The following NAV3 variants were observed in gnomAD, a reference collection of about 807,000 sequenced individuals.
NAV3 encodes pore membrane and/or filament interacting like protein 1.
In NAV3, 87 loss-of-function variants were observed where a neutral mutation model predicts 244.7. The observed-to-expected ratio is 0.36, with a 90% CI of 0.30 to 0.42. The LOEUF is 0.42. Among genes scored for constraint, NAV3 ranks in the 20% least tolerant of loss-of-function variants. The pLI is 1.00. For synonymous variants in NAV3, 1,126 were observed against 1,042.2 expected (o/e 1.08, Z -1.55); for missense variants, 2,663 against 2,893.3 (o/e 0.92, Z 1.83).
chr12:77,672,475 T>C (rs186793069), intron 2 of NAV3, among the ~76,000 whole-genome samples: 3 of 152,148 alleles, frequency 2.0e-5, no homozygotes, highest in Admixed American at 2.0e-4. Flanking sequence ...CAACTTGCAA[T>C]TACAAGAATG....
chr12:77,661,700 A>G (rs112808426), intron 2 of NAV3, among the ~76,000 whole-genome samples: 1 of 152,028 alleles, frequency 6.6e-6, no homozygotes, highest in Non-Finnish European at 1.5e-5. Context: ...AATATAATCT[A>G]TTTTGAAGTT....
intron 2 of NAV3, among the ~76,000 whole-genome samples, chr12:77,807,659 T>C (rs900090006): frequency 1.3e-5 from 2 of 152,182 alleles, no homozygotes; most frequent in African/African-American, 2.4e-5. Context: ...CGTGCCTTGG[T>C]GTTGCTCTTC....
intron 8 of NAV3, among the ~76,000 whole-genome samples, chr12:78,020,849 A>T (rs1018961223): frequency 9.2e-5 from 14 of 152,146 alleles, no homozygotes; most frequent in Non-Finnish European, 1.9e-4. Flanking sequence ...TACCAGAAAA[A>T]AAAAGGGTAG....
intron 9 of NAV3, among the ~76,000 whole-genome samples, chr12:78,031,197 G>T (rs1426908666): frequency 1.3e-5 from 2 of 152,146 alleles, no homozygotes; most frequent in Non-Finnish European, 2.9e-5. Flanking sequence ...AATGTATAGT[G>T]TCTAGAAAGG....
At chr12:78,051,228 T>A (rs1882713757) in intron 11 of NAV3, 81 bp downstream of exon 11, 1 of 1,479,608 alleles carries the variant, frequency 6.8e-7, no homozygotes, top group Non-Finnish European at 9.1e-7. Flanking sequence ...AACAAATGTG[T>A]AAGTTTGCCC....
intron 2 of NAV3, among the ~76,000 whole-genome samples, chr12:77,741,148 CAAAAAAA>C: frequency 0.026 from 1,777 of 68,710 alleles, 31 homozygotes; most frequent in Non-Finnish European, 0.035. Context: ...AAAAAAAAGA[CAAAAAAA>C]AAAAAAAAAA....
At chr12:77,853,062 A>G (rs1877793135) in intron 1 of NAV3, among the ~76,000 whole-genome samples, 1 of 152,170 alleles carries the variant, frequency 6.6e-6, no homozygotes, top group Non-Finnish European at 1.5e-5. Flanking sequence ...TACTGCCACC[A>G]TTTCTAAAGT....
chr12:77,858,489 C>T (rs1878731971), intron 1 of NAV3, among the ~76,000 whole-genome samples: 1 of 152,042 alleles, frequency 6.6e-6, no homozygotes, highest in African/African-American at 2.4e-5. Context: ...CAGCTATTTA[C>T]ATACAATAGT....
chr12:78,175,559 G>A, intron 25 of NAV3, 132 bp downstream of exon 25: 2 of 1,138,892 alleles, frequency 1.8e-6, no homozygotes, highest in South Asian at 1.5e-5. Flanking sequence ...CTCAAATGCT[G>A]CACTCATCAC....
intron 12 of NAV3, among the ~76,000 whole-genome samples, chr12:78,107,115 T>G (rs1794616941): frequency 6.6e-6 from 1 of 152,198 alleles, no homozygotes. Flanking sequence ...ACAACAGATA[T>G]GCAGATAAAG....
At chr12:77,977,708 A>ACACATG (rs71088353) in intron 5 of NAV3, among the ~76,000 whole-genome samples, 1 of 73,282 alleles carries the variant, frequency 1.4e-5, no homozygotes, top group Non-Finnish European at 3.1e-5. Context: ...ACACACACAC[A>ACACATG]CGCGCACACA....
intron 1 of NAV3, among the ~76,000 whole-genome samples, chr12:77,883,423 C>A (rs1882908753): frequency 6.6e-6 from 1 of 151,898 alleles, no homozygotes; most frequent in African/African-American, 2.4e-5. Flanking sequence ...GAACAATAGA[C>A]CCTGCTAGAC....
intron 11 of NAV3, among the ~76,000 whole-genome samples, chr12:78,053,292 G>A (rs1293794952): frequency 6.6e-6 from 1 of 151,546 alleles, no homozygotes; most frequent in Non-Finnish European, 1.5e-5. Flanking sequence ...ATACCTATGT[G>A]CACTCAATAT....
At chr12:78,161,821 C>T (rs1201823034) in intron 23 of NAV3, among the ~76,000 whole-genome samples, 1 of 151,886 alleles carries the variant, frequency 6.6e-6, no homozygotes, top group Non-Finnish European at 1.5e-5. Context: ...TATTTAAAAG[C>T]CTATAAAATT....
chr12:78,144,388 T>C (rs418934), intron 20 of NAV3, among the ~76,000 whole-genome samples: 52,420 of 151,786 alleles, frequency 0.35, 9,309 homozygotes, highest in East Asian at 0.48. Flanking sequence ...CTCAAAACCA[T>C]TGTTAAAAAA....
rs2136817000 is a variant in NAV3 at position 78,021,803 on chromosome 12, C to T, written c.1964C>T (p.Pro655Leu). 3 of 1,611,482 alleles carry T rather than the reference C, an allele frequency of 1.9e-6. No individual in the cohort carries two copies. Among genetic ancestry groups the T allele is most frequent in the Non-Finnish European group, 2.5e-6 (3 of 1,178,600 alleles). ...ALPSADSCTSPTKMDLSYSKT... is the reference protein window; with the variant it reads ...ALPSADSCTSLTKMDLSYSKT... ...CCATCGGCTGACTCCTGTACCAGTCCTACAAAGATGGACTTATCATATAGT... is the reference window on the plus strand; with the variant it reads ...CCATCGGCTGACTCCTGTACCAGTCTTACAAAGATGGACTTATCATATAGT... Residue 655 changes from proline to leucine, a missense_variant, in exon 9 of 40, where the codon CCT (proline) becomes CTT (leucine). Around this residue, in one of 6 missense-constraint regions of NAV3, gnomAD observed 1,521 missense variants for 1,497.0 expected, o/e 1.02. Transcript: ENST00000397909.
In NAV3 at chr12:78,021,772, G is replaced by T; in HGVS notation, c.1933G>T (p.Ala645Ser). 1 of 1,607,892 alleles carries T rather than the reference G, an allele frequency of 6.2e-7. No individual in the cohort carries two copies. The highest frequency in any genetic ancestry group is 8.5e-7 in the Non-Finnish European group (1 of 1,176,518). ...YRAHSENEGT[A>S]LPSADSCTSP... is the part of the protein sequence containing the mutation. ...GGCACATTCAGAAAATGAAGGTACC[G>T]CTTTACCATCGGCTGACTCCTGTAC... is the stretch of plus-strand genomic sequence containing the variant. The change falls in exon 9 of 40, where the codon GCT (alanine) becomes TCT (serine). Residue 645 changes from alanine (A) to serine (S), a missense_variant. This residue lies in a region of NAV3 where 1,521 missense variants were observed against 1,497.0 expected (regional missense o/e 1.02). Transcript: ENST00000397909.
intron 2 of NAV3, among the ~76,000 whole-genome samples, chr12:77,678,831 A>T (rs1237996047): frequency 6.9e-6 from 1 of 145,540 alleles, no homozygotes; most frequent in Non-Finnish European, 1.5e-5. Flanking sequence ...GAGCGATCAG[A>T]AGGAAGACAG....
At chr12:77,918,965 T>C (rs1887440708) in intron 1 of NAV3, among the ~76,000 whole-genome samples, 1 of 152,040 alleles carries the variant, frequency 6.6e-6, no homozygotes, top group Non-Finnish European at 1.5e-5. Flanking sequence ...GACCTTGTGA[T>C]GATTATTATA....
Sources: gnomAD v4.1 joint callset for allele counts (sites outside exome capture counted in the v4.1 genomes callset) on GRCh38, gnomAD v4.1.1 for gene constraint, gnomAD v4.1.1 regional missense constraint, MANE v1.5 for transcripts, NCBI Gene and HGNC (gene_info 2026-07-23, HGNC 2026-07-21) for gene names.